The following CHCHD6 variants were observed in gnomAD, a reference collection of about 807,000 sequenced individuals.
CHCHD6 encodes the protein coiled-coil-helix-coiled-coil-helix domain containing 6.
A neutral mutation model predicts 32.3 loss-of-function variants in CHCHD6; 28 were observed. That is an observed-to-expected ratio of 0.87 (90% CI 0.64 to 1.19). The LOEUF (loss-of-function observed/expected upper bound fraction) is 1.19, where lower values mean the gene tolerates loss of function less well. CHCHD6 is among the 50% of genes most tolerant of loss of function. The pLI, the probability that CHCHD6 is intolerant of heterozygous loss-of-function variation, is 0.00. For missense variants in CHCHD6, 333 were observed against 307.0 expected (o/e 1.08, Z -0.63); for synonymous variants, 122 against 117.5 (o/e 1.04, Z -0.25).
At chr3:126,848,402 T>C (rs1941364431) in intron 4 of CHCHD6, among the ~76,000 whole-genome samples, 1 of 152,234 alleles carries the variant, frequency 6.6e-6, no homozygotes, top group South Asian at 2.1e-4. Context: ...TGTTTCAGGT[T>C]CATAATTTCT....
At chr3:126,806,819 C>T (rs1348843474) in intron 4 of CHCHD6, among the ~76,000 whole-genome samples, 50 of 151,798 alleles carry the variant, frequency 3.3e-4, no homozygotes, top group Non-Finnish European at 4.4e-5. Context: ...CAATGATAGA[C>T]TGGATTAAGG....
At chr3:126,838,461 C>T (rs1038110086) in intron 4 of CHCHD6, among the ~76,000 whole-genome samples, 1 of 152,212 alleles carries the variant, frequency 6.6e-6, no homozygotes, top group Non-Finnish European at 1.5e-5. Context: ...CTCTGCCCCT[C>T]CTCACTCTTC....
chr3:126,730,486 C>T, intron 2 of CHCHD6, 75 bp from the exon 3 acceptor site: 1 of 1,244,720 alleles, frequency 8.0e-7, no homozygotes, highest in Non-Finnish European at 1.2e-6. Flanking sequence ...GGGGTCATTC[C>T]TCTCTGGGTG....
At chr3:126,888,863 G>A (rs747934988) in intron 5 of CHCHD6, among the ~76,000 whole-genome samples, 32 of 152,328 alleles carry the variant, frequency 2.1e-4, no homozygotes, top group Non-Finnish European at 3.5e-4. Context: ...CTGGGCTTCC[G>A]CTCTGGGGAG....
At chr3:126,831,322 G>T (rs143805075) in intron 4 of CHCHD6, among the ~76,000 whole-genome samples, 1,748 of 152,248 alleles carry the variant, frequency 0.011, 20 homozygotes, top group Non-Finnish European at 0.019. Context: ...ACCGTACCCG[G>T]CCAGCCCTGC....
At chr3:126,937,345 A>T (rs2078495154) in intron 6 of CHCHD6, among the ~76,000 whole-genome samples, 1 of 152,218 alleles carries the variant, frequency 6.6e-6, no homozygotes, top group Admixed American at 6.5e-5. Context: ...AGGAAGAAGC[A>T]GCCTGGGTGG....
chr3:126,899,514 C>T (rs983305569), intron 5 of CHCHD6, among the ~76,000 whole-genome samples: 6 of 152,156 alleles, frequency 3.9e-5, no homozygotes, highest in African/African-American at 1.4e-4. Flanking sequence ...GTGAGATGAA[C>T]CCAATGCCAA....
At chr3:126,942,880 CA>C (rs1175582088) in intron 6 of CHCHD6, among the ~76,000 whole-genome samples, 61 of 152,266 alleles carry the variant, frequency 4.0e-4, no homozygotes, top group African/African-American at 1.3e-3. Context: ...CATGTACATC[CA>C]CAGTGCATGC....
In CHCHD6 at chr3:126,855,343, A is replaced by G. The variant is rs541094202; in HGVS notation, c.495+2613A>G. On this transcript the variant is annotated intron_variant, in intron 5 of 7. Coordinates refer to ENST00000290913, the MANE Select transcript of CHCHD6 (RefSeq NM_032343.3). ...CTTTCAGCTCGGTTTCTCCATCTGTAAAATGGAGATGCTAATGCTTTCTGC... is the reference window on the plus strand; with the variant it reads ...CTTTCAGCTCGGTTTCTCCATCTGTGAAATGGAGATGCTAATGCTTTCTGC... Among the ~76,000 whole-genome samples, 8 of 152,306 alleles carry G rather than the reference A, an allele frequency of 5.3e-5. No individual in the cohort carries two copies. The South Asian group carries it at 1.7e-3, about 32-fold the overall frequency.
At chr3:126,958,810 G>A (rs775293786) in intron 7 of CHCHD6, among the ~76,000 whole-genome samples, 2 of 152,194 alleles carry the variant, frequency 1.3e-5, no homozygotes, top group Non-Finnish European at 2.9e-5. Context: ...GTGGGCAGGA[G>A]GCGCTGGGGC....
intron 5 of CHCHD6, among the ~76,000 whole-genome samples, chr3:126,877,061 G>A (rs2077548123): frequency 6.6e-6 from 1 of 152,152 alleles, no homozygotes; most frequent in South Asian, 2.1e-4. Flanking sequence ...AGGCCAAAAT[G>A]TGCTTCTGCT....
intron 4 of CHCHD6, among the ~76,000 whole-genome samples, chr3:126,843,665 G>C (rs1941186941): frequency 6.6e-6 from 1 of 152,094 alleles, no homozygotes; most frequent in Non-Finnish European, 1.5e-5. Flanking sequence ...GAACACATCT[G>C]GGAATTTTTC....
intron 4 of CHCHD6, among the ~76,000 whole-genome samples, chr3:126,790,146 T>G (rs1418153825): frequency 1.3e-5 from 2 of 152,122 alleles, no homozygotes; most frequent in African/African-American, 2.4e-5. Context: ...ATGTTGAATA[T>G]CGGCCCCCAC....
intron 4 of CHCHD6, among the ~76,000 whole-genome samples, chr3:126,821,284 T>C (rs1215556109): frequency 1.3e-5 from 2 of 152,230 alleles, no homozygotes; most frequent in East Asian, 1.9e-4. Flanking sequence ...GTTGGACATA[T>C]ATTTTTAATT....
intron 6 of CHCHD6, among the ~76,000 whole-genome samples, chr3:126,933,297 A>G (rs982383209): frequency 1.3e-5 from 2 of 152,062 alleles, no homozygotes; most frequent in Non-Finnish European, 2.9e-5. Context: ...CTCAACCCTC[A>G]TTTCCTACCA....
chr3:126,955,238 C>A (rs2078766813), intron 6 of CHCHD6, among the ~76,000 whole-genome samples: 1 of 152,266 alleles, frequency 6.6e-6, no homozygotes, highest in Non-Finnish European at 1.5e-5. Flanking sequence ...GCCCCAGACA[C>A]CCCAGCTGTA....
At chr3:126,943,207 C>T (rs1218255394) in intron 6 of CHCHD6, among the ~76,000 whole-genome samples, 1 of 152,190 alleles carries the variant, frequency 6.6e-6, no homozygotes, top group Non-Finnish European at 1.5e-5. Flanking sequence ...AATGACGCCC[C>T]CCACTACCAC....
intron 4 of CHCHD6, chr3:126,767,249 G>A: frequency 7.0e-7 from 1 of 1,432,052 alleles, no homozygotes; most frequent in Non-Finnish European, 9.8e-7. Flanking sequence ...TGCGGGGCTG[G>A]GGATAGTGTC....
intron 4 of CHCHD6, among the ~76,000 whole-genome samples, chr3:126,734,936 G>A (rs1231656144): frequency 6.6e-6 from 1 of 152,210 alleles, no homozygotes; most frequent in Non-Finnish European, 1.5e-5. Context: ...GTAAGGATGG[G>A]AGTGATGAGA....
Sources: gnomAD v4.1 joint callset for allele counts (sites outside exome capture counted in the v4.1 genomes callset) on GRCh38, gnomAD v4.1.1 for gene constraint, MANE v1.5 for transcripts, NCBI Gene and HGNC (gene_info 2026-07-23, HGNC 2026-07-21) for gene names.